CA1: variants seen among roughly 807,000 people sequenced by gnomAD.
CA1 encodes carbonate dehydratase I.
Under a neutral mutation model 28.8 loss-of-function variants are expected in CA1, and 27 were observed. That is an observed-to-expected ratio of 0.94 (90% CI 0.69 to 1.29). The LOEUF (loss-of-function observed/expected upper bound fraction) is 1.29, where lower values mean the gene tolerates loss of function less well. CA1 is among the 50% of genes most tolerant of loss of function. The probability of loss-of-function intolerance (pLI) is 0.00; values close to 1 mark genes in which losing one functional copy is unlikely to be tolerated. For synonymous variants in CA1, 121 were observed against 108.8 expected, an observed-to-expected ratio of 1.11 and a Z score of -0.70; for missense variants, 335 against 310.5, an observed-to-expected ratio of 1.08 and a Z score of -0.59.
intron 1 of CA1, among the ~76,000 whole-genome samples, chr8:85,345,811 C>T (rs1329549337): frequency 5.9e-5 from 9 of 152,124 alleles, no homozygotes; most frequent in Middle Eastern, 3.4e-3. Context: ...TGAAGTGACC[C>T]GTCTGTGTCT....
chr8:85,359,714 G>A (rs1809723957), intron 1 of CA1, among the ~76,000 whole-genome samples: 1 of 152,206 alleles, frequency 6.6e-6, no homozygotes, highest in East Asian at 1.9e-4. Context: ...AGAAGAAGCT[G>A]CTCACAACAG....
intron 1 of CA1, among the ~76,000 whole-genome samples, chr8:85,364,811 T>C (rs1219365914): frequency 6.6e-6 from 1 of 152,226 alleles, no homozygotes; most frequent in African/African-American, 2.4e-5. Context: ...TAAGTTTCAA[T>C]TTTTAATAGC....
intron 1 of CA1, among the ~76,000 whole-genome samples, chr8:85,349,028 C>T (rs1434455846): frequency 3.3e-5 from 5 of 152,046 alleles, no homozygotes; most frequent in South Asian, 2.1e-4. Flanking sequence ...CCCCTCACCC[C>T]GGGGTTTTTC....
rs893302201 is a variant in CA1, at chr8:85,328,452, T to A, written c.*108A>T. ...TACAGATTGATTTGAAGGCATGCTG[T>A]CTTGCTAATATTGAAATAAATTTAT... is the stretch of plus-strand genomic sequence containing the variant. On this transcript the variant is annotated 3_prime_UTR_variant, in exon 8 of 8. Coordinates refer to ENST00000523022, the MANE Select transcript of CA1 (RefSeq NM_001128831.4). 55 of 708,868 alleles carry A rather than the reference T, an allele frequency of 7.8e-5. No homozygotes were observed. The highest frequency in any genetic ancestry group is 1.2e-4 in the Non-Finnish European group (49 of 396,162). The allele number at this position is 708,868 out of a possible 1,614,324, so 43.9% of individuals were successfully genotyped here. A position where few individuals can be genotyped will look rare whatever the true frequency, so the allele number is the denominator to read the frequency against.
chr8:85,344,411 T>C (rs1809096304), intron 1 of CA1, among the ~76,000 whole-genome samples: 2 of 147,788 alleles, frequency 1.4e-5, no homozygotes, highest in African/African-American at 4.9e-5. Flanking sequence ...AATTAAATGG[T>C]ACTAAATTTA....
At chr8:85,336,899 G>A (rs1251227489) in intron 4 of CA1, 46 bp downstream of exon 4, 3 of 1,119,252 alleles carry the variant, frequency 2.7e-6, no homozygotes, top group Non-Finnish European at 4.1e-6. Context: ...GCTGCTTCTG[G>A]GAGTACTCTC....
intron 1 of CA1, among the ~76,000 whole-genome samples, chr8:85,373,927 G>A (rs1302616873): frequency 6.6e-6 from 1 of 152,178 alleles, no homozygotes; most frequent in South Asian, 2.1e-4. Context: ...GAGCTCGGGG[G>A]AGGAAGGAGT....
intron 1 of CA1, among the ~76,000 whole-genome samples, chr8:85,348,815 T>C (rs1401857885): frequency 1.3e-5 from 2 of 152,214 alleles, no homozygotes; most frequent in African/African-American, 2.4e-5. Context: ...GGATTAACGA[T>C]TAATACACAT....
intron 1 of CA1, among the ~76,000 whole-genome samples, chr8:85,343,498 T>C: frequency 6.6e-6 from 1 of 152,198 alleles, no homozygotes; most frequent in South Asian, 2.1e-4. Flanking sequence ...AGAGTCAGGC[T>C]TCATCCTTGG....
intron 1 of CA1, among the ~76,000 whole-genome samples, chr8:85,355,256 G>A (rs896656254): frequency 1.3e-5 from 2 of 152,098 alleles, no homozygotes; most frequent in African/African-American, 4.8e-5. Flanking sequence ...GGAAGAACTG[G>A]TATACACGAA....
intron 7 of CA1, 107 bp downstream of exon 7, chr8:85,329,582 G>A (rs1808311568): frequency 9.9e-7 from 1 of 1,010,560 alleles, no homozygotes; most frequent in Non-Finnish European, 1.5e-6. Context: ...GAGGAAAAAT[G>A]AACTTCTCAC....
At chr8:85,345,200 T>G (rs977456000) in intron 1 of CA1, among the ~76,000 whole-genome samples, 2 of 152,196 alleles carry the variant, frequency 1.3e-5, no homozygotes, top group African/African-American at 4.8e-5. Context: ...TTCCAATGTT[T>G]GTATTTGTCT....
chr8:85,369,881 G>A (rs1381697076), intron 1 of CA1, among the ~76,000 whole-genome samples: 1 of 152,198 alleles, frequency 6.6e-6, no homozygotes, highest in Non-Finnish European at 1.5e-5. Context: ...TCCTGGACTT[G>A]TATGTAGAGG....
intron 1 of CA1, among the ~76,000 whole-genome samples, chr8:85,358,941 A>G (rs1809698862): frequency 6.6e-6 from 1 of 152,176 alleles, no homozygotes. Flanking sequence ...TCAACCCCAT[A>G]ACAGTGAGAA....
At position 85,337,156 on chromosome 8, in the gene CA1, G is replaced by C. The variant is rs553624593; in HGVS notation, c.236-93C>G. On this transcript the variant is annotated intron_variant, in intron 3 of 7. Transcript: ENST00000523022. ...ATAAACCAACACTAAATTGTATTGA[G>C]TAGAAGTGAAAACAAACATTAGTGC... is the stretch of plus-strand genomic sequence containing the variant. 5 of 802,472 alleles carry C rather than the reference G, an allele frequency of 6.2e-6. No homozygotes were observed. In the East Asian group the frequency reaches 1.2e-4, roughly 20 times the overall value. 49.7% of individuals were successfully genotyped at this position (802,472 alleles called of 1,614,324 possible).
Position 85,327,965 on chromosome 8 carries a change from C to T in CA1, c.*595G>A, listed in dbSNP as rs1387236767. 6.6e-6 allele frequency: 1 copy of T among 152,182 alleles called. No individual in the cohort carries two copies. The highest frequency in any genetic ancestry group is 2.4e-5 in the African/African-American group (1 of 41,396). The allele number at this position is 152,182 out of a possible 1,614,324, so 9.4% of individuals were successfully genotyped here. On this transcript the variant is annotated 3_prime_UTR_variant, in exon 8 of 8. Transcript: ENST00000523022. ...AGCAATATCCAGAAGCGTCATCTTCCTATATAAAAGATAATCATTTTGATC... is the reference window on the plus strand; with the variant it reads ...AGCAATATCCAGAAGCGTCATCTTCTTATATAAAAGATAATCATTTTGATC...
chr8:85,363,325 G>A (rs1320551699), intron 1 of CA1, among the ~76,000 whole-genome samples: 3 of 152,138 alleles, frequency 2.0e-5, no homozygotes, highest in Non-Finnish European at 2.9e-5. Context: ...TGAGGGCTCC[G>A]CTTGCTAACC....
chr8:85,364,879 G>GT (rs1428053041), intron 1 of CA1, among the ~76,000 whole-genome samples: 15 of 152,252 alleles, frequency 9.9e-5, no homozygotes, highest in African/African-American at 3.4e-4. Context: ...CCACCCTGCA[G>GT]TGCCAGCTGA....
intron 1 of CA1, among the ~76,000 whole-genome samples, chr8:85,352,014 G>A (rs948716071): frequency 6.6e-6 from 1 of 152,114 alleles, no homozygotes; most frequent in East Asian, 1.9e-4. Context: ...CAAAACAAAC[G>A]GTACCATGGC....
Sources: gnomAD v4.1 joint callset for allele counts (sites outside exome capture counted in the v4.1 genomes callset) on GRCh38, gnomAD v4.1.1 for gene constraint, MANE v1.5 for transcripts, NCBI Gene and HGNC (gene_info 2026-07-23, HGNC 2026-07-21) for gene names.